Variants in TROAP observed in about 807,000 individuals in gnomAD.
TROAP encodes tastin.
A neutral mutation model predicts 83.4 loss-of-function variants in TROAP; 62 were observed. The ratio of observed to expected loss-of-function variants is 0.74; its 90% CI spans 0.61 to 0.92. The LOEUF is 0.92. Ranked by LOEUF, TROAP falls within the 40% of genes least tolerant of loss-of-function variation. The pLI is 0.00. For missense variants in TROAP, 876 were observed against 985.1 expected (o/e 0.89, Z 1.48); for synonymous variants, 352 against 386.4 (o/e 0.91, Z 1.04).
intron 12 of TROAP, 58 bp from the exon 13 acceptor site, chr12:49,330,087 G>A: frequency 6.2e-7 from 1 of 1,605,916 alleles, no homozygotes; most frequent in East Asian, 2.2e-5. Context: ...AGGACAGTGT[G>A]GGTAGACTAC....
chr12:49,328,933 CA>C lies in TROAP; in HGVS notation c.899del (p.His300LeufsTer5). The C allele has an allele frequency of 6.4e-7, 1 of 1,561,896 alleles. No individual in the cohort carries two copies. ...NREMSHTRDS[H>X]DSHLMPSPAP... ...ACCTTTTTCTTCTTCACAGGACAGC[CA>C]TGACTCCCACCTGATGCCCTCCCCT... On this transcript the variant is annotated frameshift_variant, in exon 9 of 15. Transcript: ENST00000257909. LOFTEE classifies it high-confidence loss of function.
chr12:49,323,899 G>A lies in TROAP; in HGVS notation c.199G>A (p.Gly67Ser). 1 of 1,614,076 alleles carries A rather than the reference G, an allele frequency of 6.2e-7. No individual in the cohort carries two copies. Among genetic ancestry groups the A allele is most frequent in the Non-Finnish European group, 8.5e-7 (1 of 1,180,040 alleles). The change falls in exon 3 of 15, where the codon GGC (glycine) becomes AGC (serine). Residue 67 changes from glycine to serine, a missense_variant. Physicochemically the swap from Gly to Ser is moderately conservative, Grantham distance 56. Around this residue, in one of 3 missense-constraint regions of TROAP, gnomAD observed 689 missense variants for 722.6 expected, o/e 0.95. Transcript: ENST00000257909. ...TCAACGCCCCCTCGTTGATTCAGCA[G>A]GCCCCAGGCCGAAAGCCAGGCACCA... ...NIQRPLVDSA[G>S]PRPKARHQAE...
chr12:49,328,023 A>T (rs183771162), intron 8 of TROAP, among the ~76,000 whole-genome samples: 2 of 152,082 alleles, frequency 1.3e-5, no homozygotes, highest in Admixed American at 1.3e-4. Flanking sequence ...GTGTTTGAGG[A>T]TCAGCAAAAA....
chr12:49,329,820 G>C lies in TROAP; in HGVS notation c.1165-37G>C, dbSNP rs372177640. On this transcript the variant is annotated intron_variant, in intron 11 of 14. Coordinates refer to ENST00000257909, the MANE Select transcript of TROAP (RefSeq NM_005480.4). The surrounding 1 kb of genome is among the most constrained non-coding windows in gnomAD (Gnocchi z 4.5). ...TCAGGCTGGTCTTTCTCCTGCCCCAGCCTGGCTTGCTTGTGTGCCTTGTTC... is the reference window on the plus strand; with the variant it reads ...TCAGGCTGGTCTTTCTCCTGCCCCACCCTGGCTTGCTTGTGTGCCTTGTTC... 6 of 1,607,826 alleles carry C rather than the reference G, an allele frequency of 3.7e-6. No homozygotes were observed. In the African/African-American group the frequency reaches 6.7e-5, roughly 18 times the overall value.
At position 49,330,912 on chromosome 12, in the gene TROAP, CCA is replaced by C. The variant is rs1485167411; in HGVS notation, c.2068_2069del (p.Gln690ValfsTer43). 2 of 1,612,290 alleles carry C rather than the reference CCA, an allele frequency of 1.2e-6. No homozygotes were observed. Among genetic ancestry groups the C allele is most frequent in the African/African-American group, 1.3e-5 (1 of 74,924 alleles). On this transcript the variant is annotated frameshift_variant, in exon 13 of 15. Coordinates refer to ENST00000257909, the MANE Select transcript of TROAP (RefSeq NM_005480.4). LOFTEE classifies it high-confidence loss of function. ...LCASPPICSL[Q>X]SLRPPAGQAG... The stretch of plus-strand genomic sequence containing the variant: ...GTGCCAGCCCCCCTATCTGCTCACT[CCA>C]GTCTTTGAGACCCCCAGCAGGCCAG...
At position 49,329,474 on chromosome 12, in the gene TROAP, C is replaced by T. The variant is rs747254672; in HGVS notation, c.1164+20C>T. 5 of 1,597,256 alleles carry T rather than the reference C, an allele frequency of 3.1e-6. No individual in the cohort carries two copies. In the East Asian group the frequency reaches 8.9e-5, roughly 28 times the overall value. On this transcript the variant is annotated intron_variant, in intron 11 of 14. Transcript: ENST00000257909. This position sits in a 1 kb window ranked among gnomAD's most constrained non-coding sequence, Gnocchi z 4.5. The stretch of plus-strand genomic sequence containing the variant: ...CCCTGGGTAAGTATCAGAAGCTTCC[C>T]CCTACTGAGATCCCTTGCCCTGTGC...
chr12:49,324,081 G>T (rs1442017788), intron 3 of TROAP, 44 bp downstream of exon 3: 1 of 1,612,438 alleles, frequency 6.2e-7, no homozygotes, highest in Non-Finnish European at 8.5e-7. Flanking sequence ...TGGCTGAGTA[G>T]GGGACTAGGA....
In TROAP at chr12:49,323,734, G is replaced by C; in HGVS notation, c.126G>C (p.Gln42His). 1 of 1,614,126 alleles carries C rather than the reference G, an allele frequency of 6.2e-7. No individual in the cohort carries two copies. The highest frequency in any genetic ancestry group is 8.5e-7 in the Non-Finnish European group (1 of 1,180,030). Residue 42 changes from glutamine to histidine, a missense_variant, in exon 2 of 15, where the codon CAG (glutamine) becomes CAC (histidine). Physicochemically the swap from Gln to His is conservative, Grantham distance 24. Coordinates refer to ENST00000257909, the MANE Select transcript of TROAP (RefSeq NM_005480.4). ...CTGTTACATCGTGCGCCGTGGACCA[G>C]GAGAACCAAGATCCAAGGGTAAGAG... is the stretch of plus-strand genomic sequence containing the variant. ...FPTVTSCAVDQENQDPRRWVQ... is the reference protein window; with the variant it reads ...FPTVTSCAVDHENQDPRRWVQ...
At chr12:49,327,129 CT>C in intron 7 of TROAP, 79 bp from the exon 8 acceptor site, 2 of 1,574,944 alleles carry the variant, frequency 1.3e-6, no homozygotes, top group South Asian at 2.3e-5. Context: ...CTAATATACC[CT>C]CTTCAGAAGT....
intron 6 of TROAP, 110 bp downstream of exon 6, chr12:49,326,268 C>T: frequency 9.1e-7 from 1 of 1,097,658 alleles, no homozygotes; most frequent in Non-Finnish European, 1.4e-6. Flanking sequence ...GACTCCCCAC[C>T]AACTCAGGAG....
chr12:49,327,720 G>C (rs1237003688), intron 8 of TROAP, among the ~76,000 whole-genome samples: 1 of 152,110 alleles, frequency 6.6e-6, no homozygotes, highest in Non-Finnish European at 1.5e-5. Flanking sequence ...TATTCTAGAA[G>C]GGGGAGACAA....
In TROAP at chr12:49,326,658, T is replaced by A. The variant is rs753641156; in HGVS notation, c.717-10T>A. The A allele has an allele frequency of 3.9e-6, 6 of 1,555,062 alleles. No individual in the cohort carries two copies. The highest frequency in any genetic ancestry group is 1.7e-6 in the Non-Finnish European group (2 of 1,148,358). On this transcript the variant is annotated splice_polypyrimidine_tract_variant and intron_variant, in intron 6 of 14. Transcript: ENST00000257909. The stretch of plus-strand genomic sequence containing the variant: ...CAGTGACTGCTGGCTAATGTCCTTA[T>A]TGTCATCAGGACTTCAGTGAGCCAG...
Position 49,329,704 on chromosome 12 carries a change from C to T in TROAP, c.1165-153C>T. On this transcript the variant is annotated intron_variant, in intron 11 of 14. Transcript: ENST00000257909. The surrounding 1 kb of genome is among the most constrained non-coding windows in gnomAD (Gnocchi z 4.5). ...AGAAAGTGCTCTCTGGAAAAGCTGC[C>T]TAACTCTCACTGCTTCTCTGCTGCC... 4 of 1,249,156 alleles carry T rather than the reference C, an allele frequency of 3.2e-6. No homozygotes were observed. Among genetic ancestry groups the T allele is most frequent in the Non-Finnish European group, 4.5e-6 (4 of 893,446 alleles). The allele number at this position is 1,249,156 out of a possible 1,614,324, so 77.4% of individuals were successfully genotyped here. A position where few individuals can be genotyped will look rare whatever the true frequency, so the allele number is the denominator to read the frequency against.
At chr12:49,328,214 CTTTTTTTTTTTTTT>C (rs981259606) in intron 8 of TROAP, among the ~76,000 whole-genome samples, 2 of 77,362 alleles carry the variant, frequency 2.6e-5, no homozygotes, top group East Asian at 7.6e-4. Flanking sequence ...TGACTTAGGT[CTTTTTTTTTTTTTT>C]TTTTTTTTTT....
At chr12:49,325,268 T>C (rs1219130331) in intron 3 of TROAP, among the ~76,000 whole-genome samples, 2 of 149,778 alleles carry the variant, frequency 1.3e-5, no homozygotes, top group African/African-American at 4.9e-5. Flanking sequence ...GTTGGCCGGG[T>C]TGGTCTCAAA....
At chr12:49,325,425 C>T (rs1177781457) in intron 3 of TROAP, 76 bp from the exon 4 acceptor site, 8 of 1,457,048 alleles carry the variant, frequency 5.5e-6, no homozygotes, top group Non-Finnish European at 6.5e-6. Context: ...TCACCTTGTA[C>T]CTCAAAGTTC....
Position 49,330,600 on chromosome 12 carries a change from AC to A in TROAP, c.1758del (p.Arg587GlyfsTer3), listed in dbSNP as rs1943565350. 6.2e-7 allele frequency: 1 copy of A among 1,612,562 alleles called. No individual in the cohort carries two copies. Among genetic ancestry groups the A allele is most frequent in the African/African-American group, 1.3e-5 (1 of 74,670 alleles). ...EVPEPCPPAE[P>X]RPLESYCRIE... is the part of the protein sequence containing the mutation. ...TACCTGAGCCCTGCCCTCCAGCAGA[AC>A]CCAGGCCCCTAGAGTCCTACTGTAG... On this transcript the variant is annotated frameshift_variant, in exon 13 of 15. Transcript: ENST00000257909. LOFTEE classifies it high-confidence loss of function.
At chr12:49,328,474 C>T (rs539281386) in intron 8 of TROAP, among the ~76,000 whole-genome samples, 3 of 152,002 alleles carry the variant, frequency 2.0e-5, no homozygotes, top group South Asian at 2.1e-4. Flanking sequence ...CCACCCTCCT[C>T]GGCTTCCCGA....
intron 8 of TROAP, among the ~76,000 whole-genome samples, chr12:49,327,540 G>C (rs1040324817): frequency 3.3e-5 from 5 of 152,194 alleles, no homozygotes; most frequent in Non-Finnish European, 7.3e-5. Context: ...CCTAGGGTGA[G>C]AGGTCATATT....
Sources: allele counts gnomAD v4.1 joint callset (sites outside exome capture counted in the v4.1 genomes callset), GRCh38; gene constraint gnomAD v4.1.1; regional missense constraint gnomAD v4.1.1; non-coding constraint Gnocchi (gnomAD v3.1); transcripts MANE v1.5; gene names NCBI Gene and HGNC (gene_info 2026-07-23, HGNC 2026-07-21).